The following OSTF1 variants were observed in gnomAD, a reference collection of about 807,000 sequenced individuals.
OSTF1 encodes the protein osteoclast stimulating factor 1, also known as osteoclast-stimulating factor 1.
Under a neutral mutation model 37.2 loss-of-function variants are expected in OSTF1, and 27 were observed. The observed-to-expected ratio is 0.73, with a 90% confidence interval of 0.54 to 1.00. The LOEUF is 1.00. OSTF1 is among the 50% of genes least tolerant of loss of function. The pLI is 0.00. For synonymous variants in OSTF1, 82 were observed against 89.2 expected (o/e 0.92, Z 0.46); for missense variants, 232 against 253.8 (o/e 0.91, Z 0.58).
chr9:75,093,669 C>T (rs372938399), intron 1 of OSTF1, among the ~76,000 whole-genome samples: 151 of 152,212 alleles, frequency 9.9e-4, no homozygotes, highest in East Asian at 4.1e-3. Flanking sequence ...AGACATCACA[C>T]GCATGCTGCT....
Position 75,146,658 on chromosome 9 carries a change from CT to C in OSTF1, c.587-19del, listed in dbSNP as rs752844793. On this transcript the variant is annotated intron_variant, in intron 9 of 9. Coordinates refer to ENST00000346234, the MANE Select transcript of OSTF1 (RefSeq NM_012383.5). Reference sequence around the variant, plus strand: ...AGCAGTTTATAATTTCCCTATTTTGCTTTTTTCCCTCCTCTTTCTTTCAGAT... The same window carrying C: ...AGCAGTTTATAATTTCCCTATTTTGCTTTTTCCCTCCTCTTTCTTTCAGAT... 1.2e-5 allele frequency: 19 copies of C among 1,581,710 alleles called. No homozygotes were observed. In the Middle Eastern group the frequency reaches 5.0e-4, roughly 41 times the overall value.
intron 1 of OSTF1, among the ~76,000 whole-genome samples, chr9:75,094,431 T>C (rs1825036703): frequency 6.6e-6 from 1 of 152,004 alleles, no homozygotes; most frequent in Non-Finnish European, 1.5e-5. Context: ...GATTGGGCTT[T>C]TCTTGTAGCT....
intron 2 of OSTF1, among the ~76,000 whole-genome samples, chr9:75,126,756 C>A (rs1472939272): frequency 6.6e-6 from 1 of 152,036 alleles, no homozygotes; most frequent in Non-Finnish European, 1.5e-5. Context: ...CCATGCCCAG[C>A]TAATTTTTGT....
At chr9:75,123,990 G>A (rs1397074141) in intron 2 of OSTF1, among the ~76,000 whole-genome samples, 1 of 152,198 alleles carries the variant, frequency 6.6e-6, no homozygotes, top group East Asian at 1.9e-4. Context: ...GCACTTAGTG[G>A]TCTTTCTCAA....
intron 1 of OSTF1, among the ~76,000 whole-genome samples, chr9:75,113,456 CT>C (rs1027543334): frequency 1.8e-4 from 26 of 143,036 alleles, no homozygotes; most frequent in Admixed American, 2.8e-4. Context: ...TTTTCTGTCT[CT>C]TTTTTTTTTG....
chr9:75,096,177 C>T (rs935943124), intron 1 of OSTF1, among the ~76,000 whole-genome samples: 1 of 152,208 alleles, frequency 6.6e-6, no homozygotes, highest in Non-Finnish European at 1.5e-5. Context: ...CAGGCGTGAG[C>T]CACCGCGCCT....
Position 75,088,522 on chromosome 9 carries a change from G to A in OSTF1, c.-171G>A. 1.4e-6 allele frequency: 1 copy of A among 705,588 alleles called. No homozygotes were observed. The highest frequency in any genetic ancestry group is 2.4e-6 in the Non-Finnish European group (1 of 420,076). The allele number at this position is 705,588 out of a possible 1,614,324, so 43.7% of individuals were successfully genotyped here. ...GCGGGGCGGGGCGGAGCACTCGGCG[G>A]AGCCGCTCTGCCTGCGTCCGCTCTT... On this transcript the variant is annotated 5_prime_UTR_variant, in exon 1 of 10. Coordinates refer to ENST00000346234, the MANE Select transcript of OSTF1 (RefSeq NM_012383.5).
At chr9:75,117,184 A>G (rs1475733555) in intron 1 of OSTF1, among the ~76,000 whole-genome samples, 2 of 152,218 alleles carry the variant, frequency 1.3e-5, no homozygotes, top group African/African-American at 2.4e-5. Flanking sequence ...CATCTTAAAC[A>G]TTTATCATTT....
At chr9:75,133,073 C>T (rs148909655) in intron 5 of OSTF1, among the ~76,000 whole-genome samples, 210 of 151,554 alleles carry the variant, frequency 1.4e-3, no homozygotes, top group African/African-American at 4.9e-3. Context: ...GCAACTATTC[C>T]CATTAACTTA....
chr9:75,091,700 TGA>T (rs1824978875), intron 1 of OSTF1, among the ~76,000 whole-genome samples: 1 of 152,024 alleles, frequency 6.6e-6, no homozygotes, highest in East Asian at 1.9e-4. Flanking sequence ...ACACATGATC[TGA>T]GAGAGAGGAA....
intron 2 of OSTF1, among the ~76,000 whole-genome samples, chr9:75,122,321 C>T (rs1031298177): frequency 1.3e-4 from 20 of 152,186 alleles, no homozygotes; most frequent in Non-Finnish European, 2.9e-5. Context: ...GAGCCCAGCC[C>T]TGCCACTCAC....
intron 1 of OSTF1, among the ~76,000 whole-genome samples, chr9:75,109,307 C>T (rs575100140): frequency 2.3e-4 from 35 of 152,324 alleles, no homozygotes; most frequent in African/African-American, 6.7e-4. Flanking sequence ...CCGCCATGCC[C>T]GGCCAGGTTT....
chr9:75,108,390 C>A (rs1825328504), intron 1 of OSTF1, among the ~76,000 whole-genome samples: 1 of 150,036 alleles, frequency 6.7e-6, no homozygotes, highest in African/African-American at 2.5e-5. Flanking sequence ...TTTTTAATTC[C>A]TAGGACTGAA....
intron 2 of OSTF1, among the ~76,000 whole-genome samples, chr9:75,122,140 G>A (rs1825590566): frequency 1.3e-5 from 2 of 152,204 alleles, no homozygotes; most frequent in South Asian, 4.1e-4. Context: ...ATTGACGAGT[G>A]TCAAGACAGA....
chr9:75,098,042 G>A (rs1825119622), intron 1 of OSTF1, among the ~76,000 whole-genome samples: 1 of 151,962 alleles, frequency 6.6e-6, no homozygotes, highest in East Asian at 1.9e-4. Context: ...ATTTTTTGTA[G>A]AGACACAGTT....
chr9:75,122,586 G>A (rs1041818541), intron 2 of OSTF1, among the ~76,000 whole-genome samples: 1 of 152,198 alleles, frequency 6.6e-6, no homozygotes, highest in African/African-American at 2.4e-5. Context: ...TAATGGCTGT[G>A]TGTGATGCCT....
chr9:75,125,167 A>G (rs1825642070), intron 2 of OSTF1, among the ~76,000 whole-genome samples: 1 of 152,134 alleles, frequency 6.6e-6, no homozygotes, highest in African/African-American at 2.4e-5. Context: ...AGAGAGTCAG[A>G]TGGTGTTAAA....
intron 1 of OSTF1, among the ~76,000 whole-genome samples, chr9:75,108,241 A>T (rs75352821): frequency 0.1 from 15,805 of 151,204 alleles, 914 homozygotes; most frequent in South Asian, 0.16. Context: ...ATAAATAAAT[A>T]AATTAATTAA....
At chr9:75,132,362 G>A (rs183037234) in intron 5 of OSTF1, among the ~76,000 whole-genome samples, 3 of 152,246 alleles carry the variant, frequency 2.0e-5, no homozygotes, top group Admixed American at 6.5e-5. Flanking sequence ...GCCTTGTCTT[G>A]GGCTTTATTC....
Sources: allele counts gnomAD v4.1 joint callset (sites outside exome capture counted in the v4.1 genomes callset), GRCh38; gene constraint gnomAD v4.1.1; transcripts MANE v1.5; gene names NCBI Gene and HGNC (gene_info 2026-07-23, HGNC 2026-07-21).